The following SLC12A3 variants were observed in gnomAD, a reference collection of about 807,000 sequenced individuals.
The protein encoded by SLC12A3 is solute carrier family 12 member 3.
Under a neutral mutation model 121.0 loss-of-function variants are expected in SLC12A3, and 104 were observed. That is an observed-to-expected ratio of 0.86 (90% CI 0.73 to 1.01). The LOEUF (loss-of-function observed/expected upper bound fraction) is 1.01. Among genes scored for constraint, SLC12A3 ranks in the 50% least tolerant of loss-of-function variants. SLC12A3 has a pLI of 0.00. For synonymous variants in SLC12A3, 536 were observed against 533.4 expected, an observed-to-expected ratio of 1.00 and a Z score of -0.07; for missense variants, 1,328 against 1,356.3, an observed-to-expected ratio of 0.98 and a Z score of 0.33.
At chr16:56,876,870 A>G (rs924559987) in intron 8 of SLC12A3, among the ~76,000 whole-genome samples, 1 of 152,166 alleles carries the variant, frequency 6.6e-6, no homozygotes, top group Non-Finnish European at 1.5e-5. Context: ...ACTTACTGTA[A>G]AAATCCCAGC....
chr16:56,902,531 G>GGGGTC, intron 24 of SLC12A3, 23 bp downstream of exon 24: 1 of 714,568 alleles, frequency 1.4e-6, no homozygotes, highest in Non-Finnish European at 2.4e-6. Context: ...GTGGGGGTGG[G>GGGGTC]AAACGCGACA....
intron 23 of SLC12A3, among the ~76,000 whole-genome samples, chr16:56,900,840 A>G (rs1205077072): frequency 2.6e-5 from 4 of 152,106 alleles, no homozygotes; most frequent in African/African-American, 9.7e-5. Context: ...CTAGCATCTT[A>G]TTTTAAAAAT....
rs1246662762 is a variant in SLC12A3 at position 56,869,761 on chromosome 16, ACGGTG to A, written c.539_543del (p.Thr180AsnfsTer77). Reference sequence around the variant, plus strand: ...CTGGATCATCATCCTGCTGTCGGTCACGGTGACCTCCATCACAGGCCTCTCCATCT... The same window carrying A: ...CTGGATCATCATCCTGCTGTCGGTCAACCTCCATCACAGGCCTCTCCATCT... On this transcript the variant is annotated frameshift_variant, in exon 4 of 26. Coordinates refer to ENST00000563236, the MANE Select transcript of SLC12A3 (RefSeq NM_001126108.2). LOFTEE classifies it high-confidence loss of function. 7 of 1,614,028 alleles carry A rather than the reference ACGGTG, an allele frequency of 4.3e-6. No individual in the cohort carries two copies. Among genetic ancestry groups the A allele is most frequent in the Non-Finnish European group, 5.9e-6 (7 of 1,180,024 alleles).
chr16:56,898,959 C>T (rs1239533087), intron 22 of SLC12A3, among the ~76,000 whole-genome samples: 2 of 152,176 alleles, frequency 1.3e-5, no homozygotes, highest in Non-Finnish European at 2.9e-5. Context: ...TCAGAATCAG[C>T]GTGGTAACAA....
At chr16:56,875,100 C>A (rs2055149370) in intron 8 of SLC12A3, among the ~76,000 whole-genome samples, 1 of 151,858 alleles carries the variant, frequency 6.6e-6, no homozygotes, top group Admixed American at 6.6e-5. Context: ...GGTTACCAAC[C>A]AGCAGGCGTC....
chr16:56,901,613 T>C (rs1567446313), intron 23 of SLC12A3, among the ~76,000 whole-genome samples: 1 of 152,236 alleles, frequency 6.6e-6, no homozygotes, highest in African/African-American at 2.4e-5. Flanking sequence ...GTGCTGGGAT[T>C]ACAGGCGTGA....
Position 56,887,954 on chromosome 16 carries a change from C to T in SLC12A3, c.2208C>T (p.Asn736=), listed in dbSNP as rs781671825. 1.2e-6 allele frequency: 2 copies of T among 1,613,296 alleles called. No individual in the cohort carries two copies. Among genetic ancestry groups the T allele is most frequent in the Non-Finnish European group, 1.7e-6 (2 of 1,179,686 alleles). The change falls in exon 18 of 26, where the codon AAC becomes AAT. Residue 736 remains asparagine (N), a synonymous_variant. Transcript: ENST00000563236. ...CAGGTCTCGGGAGAATGAAGCCCAA[C>T]ATTCTGGTGGTTGGGTTCAAGAAGA... ...QAAGLGRMKP[N]ILVVGFKKNW...
chr16:56,866,750 G>A (rs1964364563), intron 1 of SLC12A3, among the ~76,000 whole-genome samples: 1 of 152,146 alleles, frequency 6.6e-6, no homozygotes. Flanking sequence ...GGGACCACAG[G>A]TGCACACCAC....
At chr16:56,884,883 C>T (rs2055289830) in intron 14 of SLC12A3, among the ~76,000 whole-genome samples, 1 of 152,182 alleles carries the variant, frequency 6.6e-6, no homozygotes, top group African/African-American at 2.4e-5. Flanking sequence ...TCTCCTGCCT[C>T]AGCCTCCCGA....
At chr16:56,897,615 A>G (rs2055482692) in intron 22 of SLC12A3, among the ~76,000 whole-genome samples, 1 of 152,152 alleles carries the variant, frequency 6.6e-6, no homozygotes, top group Non-Finnish European at 1.5e-5. Flanking sequence ...GATCTCCAAA[A>G]AGTAAATAAG....
Position 56,888,599 on chromosome 16 carries a change from C to T in SLC12A3, c.2285+568C>T, listed in dbSNP as rs868599305. On this transcript the variant is annotated intron_variant, in intron 18 of 25. Transcript: ENST00000563236. The stretch of plus-strand genomic sequence containing the variant: ...TTTGAGACGGAGTCTCACACTGTTG[C>T]CCAGGCTGGAGTGCAGTGGCGCTAT... 7.6e-5 allele frequency among the ~76,000 whole-genome samples: 9 copies of T among 118,872 alleles called. No individual in the cohort carries two copies. In the South Asian group the frequency reaches 2.5e-3, roughly 33 times the overall value. 78.0% of individuals were successfully genotyped at this position (118,872 alleles called of 152,430 possible). A position where few individuals can be genotyped will look rare whatever the true frequency, so the allele number is the denominator to read the frequency against.
chr16:56,878,522 G>A (rs944988962), intron 9 of SLC12A3, among the ~76,000 whole-genome samples: 19 of 151,992 alleles, frequency 1.3e-4, no homozygotes, highest in African/African-American at 3.9e-4. Context: ...CATGTGCCCC[G>A]CCCTTTGCAT....
chr16:56,885,086 C>T (rs1356293130), intron 14 of SLC12A3, among the ~76,000 whole-genome samples, 179 bp from the exon 15 acceptor site: 5 of 152,158 alleles, frequency 3.3e-5, no homozygotes, highest in African/African-American at 7.2e-5. Context: ...AACTTTTCAA[C>T]GTGCAGCCAC....
chr16:56,897,185 A>T (rs2055477102), intron 22 of SLC12A3, among the ~76,000 whole-genome samples: 1 of 151,996 alleles, frequency 6.6e-6, no homozygotes, highest in Non-Finnish European at 1.5e-5. Context: ...TATGGAGTTG[A>T]CAGATGTCGG....
At chr16:56,869,672 A>C in intron 3 of SLC12A3, 57 bp from the exon 4 acceptor site, 1 of 1,450,308 alleles carries the variant, frequency 6.9e-7, no homozygotes, top group Non-Finnish European at 9.7e-7. Context: ...ATGAGTAGGC[A>C]AACTGGGGCT....
At chr16:56,891,109 C>G (rs542576600) in intron 19 of SLC12A3, among the ~76,000 whole-genome samples, 3 of 151,710 alleles carry the variant, frequency 2.0e-5, no homozygotes, top group Non-Finnish European at 2.9e-5. Flanking sequence ...TGTGGTGGCT[C>G]GTTTCTGTAA....
chr16:56,905,353 A>AG (rs2055594077), intron 25 of SLC12A3, among the ~76,000 whole-genome samples: 1 of 151,352 alleles, frequency 6.6e-6, no homozygotes, highest in South Asian at 2.1e-4. Context: ...AAAAAAAAAA[A>AG]AAAAAAAAGA....
chr16:56,879,984 C>T, intron 11 of SLC12A3, 146 bp from the exon 12 acceptor site: 1 of 950,926 alleles, frequency 1.1e-6, no homozygotes, highest in Non-Finnish European at 1.6e-6. Flanking sequence ...AGGGGGTGAG[C>T]ATCCCTGTTT....
At chr16:56,885,793 A>C (rs375160704) in intron 15 of SLC12A3, among the ~76,000 whole-genome samples, 3 of 152,196 alleles carry the variant, frequency 2.0e-5, no homozygotes, top group Admixed American at 6.5e-5. Context: ...TGTCATGCTT[A>C]CTATGAGCCA....
Sources: gnomAD v4.1 joint callset for allele counts (sites outside exome capture counted in the v4.1 genomes callset) on GRCh38, gnomAD v4.1.1 for gene constraint, MANE v1.5 for transcripts, NCBI Gene and HGNC (gene_info 2026-07-23, HGNC 2026-07-21) for gene names.